DLGAP2: variants seen among roughly 807,000 people sequenced by gnomAD.
DLGAP2 encodes the protein disks large-associated protein 2.
In DLGAP2, 26 loss-of-function variants were observed where a neutral mutation model predicts 100.3. That is an observed-to-expected ratio of 0.26 (90% CI 0.19 to 0.36). The LOEUF (loss-of-function observed/expected upper bound fraction) is 0.36, where lower values mean the gene tolerates loss of function less well. Ranked by LOEUF, DLGAP2 falls within the 10% of genes least tolerant of loss-of-function variation. DLGAP2 has a pLI of 1.00. For missense variants in DLGAP2, 1,858 were observed against 1,453.2 expected (o/e 1.28, Z -4.53); for synonymous variants, 886 against 630.1 (o/e 1.41, Z -6.08).
chr8:929,912 C>G (rs899602303), intron 2 of DLGAP2, among the ~76,000 whole-genome samples: 2 of 151,702 alleles, frequency 1.3e-5, no homozygotes, highest in Non-Finnish European at 2.9e-5. Flanking sequence ...ATAGAAATTA[C>G]TTTGGTCTCT....
intron 8 of DLGAP2, among the ~76,000 whole-genome samples, chr8:1,655,197 A>T (rs736316): frequency 0.22 from 34,233 of 152,192 alleles, 4,557 homozygotes; most frequent in East Asian, 0.47. Context: ...TGCTTGTGGG[A>T]TGTGACTTCT....
At chr8:822,994 A>T (rs1387402244) in intron 1 of DLGAP2, among the ~76,000 whole-genome samples, 1 of 151,508 alleles carries the variant, frequency 6.6e-6, no homozygotes, top group African/African-American at 2.4e-5. Flanking sequence ...AAGGGAAGAG[A>T]GGATTATTTC....
intron 14 of DLGAP2, among the ~76,000 whole-genome samples, chr8:1,699,178 C>T (rs1170868288): frequency 6.6e-6 from 1 of 152,216 alleles, no homozygotes; most frequent in East Asian, 1.9e-4. Context: ...AAACGTGAGC[C>T]CATCTACCCA....
intron 3 of DLGAP2, among the ~76,000 whole-genome samples, chr8:1,266,394 A>G (rs1799451839): frequency 6.6e-6 from 1 of 152,226 alleles, no homozygotes; most frequent in Admixed American, 6.5e-5. Context: ...TGGAGCAGGA[A>G]GCAGCATCTC....
At chr8:1,129,316 T>A (rs1796237563) in intron 2 of DLGAP2, among the ~76,000 whole-genome samples, 1 of 151,460 alleles carries the variant, frequency 6.6e-6, no homozygotes, top group African/African-American at 2.4e-5. Flanking sequence ...GGCAGGGGAA[T>A]TGTTTGGACC....
intron 3 of DLGAP2, among the ~76,000 whole-genome samples, chr8:1,331,249 T>C (rs1455780843): frequency 6.6e-6 from 1 of 152,210 alleles, no homozygotes; most frequent in Admixed American, 6.5e-5. Context: ...GTGCCATAAC[T>C]AAGGCCGCAA....
At chr8:967,779 GTATATAT>G (rs1799909049) in intron 2 of DLGAP2, among the ~76,000 whole-genome samples, 1 of 17,864 alleles carries the variant, frequency 5.6e-5, no homozygotes, top group Non-Finnish European at 1.3e-4. Context: ...ATATATATAT[GTATATAT>G]ATATATATAC....
At chr8:1,061,590 A>C (rs1275465633) in intron 2 of DLGAP2, among the ~76,000 whole-genome samples, 1 of 151,728 alleles carries the variant, frequency 6.6e-6, no homozygotes, top group East Asian at 1.9e-4. Flanking sequence ...GAGTCTCGCT[A>C]CTCCCAAGAG....
chr8:1,631,207 G>A lies in DLGAP2; in HGVS notation c.1591-1620G>A, dbSNP rs143517392. On this transcript the variant is annotated intron_variant, in intron 7 of 14. Coordinates refer to ENST00000637795, the MANE Select transcript of DLGAP2 (RefSeq NM_001346810.2). ...TGAAAGGCTTGTAGCTGGAAGCATA[G>A]CCGAGGGTCCTTGCTGAGATGCCAG... 3.9e-5 allele frequency among the ~76,000 whole-genome samples: 6 copies of A among 152,156 alleles called. No individual in the cohort carries two copies. The East Asian group carries it at 1.2e-3, about 30-fold the overall frequency.
chr8:1,137,313 A>G (rs1796436845), intron 2 of DLGAP2: 1 of 152,676 alleles, frequency 6.5e-6, no homozygotes, highest in Non-Finnish European at 1.5e-5. Context: ...TCTCCAAACT[A>G]TAGTCCTATT....
rs1309261843 is a variant in DLGAP2 at position 1,501,393 on chromosome 8, C to T, written c.134C>T (p.Pro45Leu). Residue 45 changes from proline to leucine, a missense_variant, in exon 4 of 15, where the codon CCG (proline) becomes CTG (leucine). By Grantham distance (98) the Pro-to-Leu change is moderately conservative (BLOSUM62 -3). Transcript: ENST00000637795. Reference sequence around the variant, plus strand: ...GAAGAAGCTGGAGACTTGGTCCAGCCGGGCATCAGCTTTCCGGGGCCGGCA... The same window carrying T: ...GAAGAAGCTGGAGACTTGGTCCAGCTGGGCATCAGCTTTCCGGGGCCGGCA... Reference protein sequence around the residue: ...EEEEAGDLVQPGISFPGPAEE... With the variant: ...EEEEAGDLVQLGISFPGPAEE... 2.4e-5 allele frequency: 37 copies of T among 1,535,706 alleles called. No homozygotes were observed. Among genetic ancestry groups the T allele is most frequent in the Non-Finnish European group, 3.1e-5 (36 of 1,146,720 alleles).
At chr8:1,595,427 G>A (rs1443943096) in intron 6 of DLGAP2, among the ~76,000 whole-genome samples, 1 of 151,854 alleles carries the variant, frequency 6.6e-6, no homozygotes, top group Admixed American at 6.6e-5. Flanking sequence ...ACTTTGGGAG[G>A]CCGAGGCGGG....
chr8:946,545 G>A (rs571503640), intron 2 of DLGAP2, among the ~76,000 whole-genome samples: 4 of 152,192 alleles, frequency 2.6e-5, no homozygotes, highest in East Asian at 1.9e-4. Context: ...TTACAGGCGT[G>A]AGCCACCGCG....
At chr8:1,253,221 A>G (rs965497472) in intron 2 of DLGAP2, among the ~76,000 whole-genome samples, 2 of 152,208 alleles carry the variant, frequency 1.3e-5, no homozygotes, top group South Asian at 4.1e-4. Flanking sequence ...AGCTCCAGCC[A>G]AGGCCCCGGG....
At chr8:1,146,032 G>A (rs1364473193) in intron 2 of DLGAP2, among the ~76,000 whole-genome samples, 2 of 152,048 alleles carry the variant, frequency 1.3e-5, no homozygotes, top group African/African-American at 4.8e-5. Context: ...GCCCCAGGAT[G>A]CCGGGTGGCA....
intron 8 of DLGAP2, among the ~76,000 whole-genome samples, chr8:1,641,102 T>G (rs1239489386): frequency 1.3e-5 from 2 of 152,144 alleles, no homozygotes; most frequent in Admixed American, 6.5e-5. Context: ...GCCCCTGGTC[T>G]GTGCTGTAGA....
intron 3 of DLGAP2, among the ~76,000 whole-genome samples, chr8:1,316,069 G>A (rs1367874322): frequency 7.4e-6 from 1 of 135,962 alleles, no homozygotes; most frequent in African/African-American, 2.6e-5. Context: ...GTGTGTGAGT[G>A]CAGCGTCTCT....
chr8:1,174,811 A>G (rs892879408), intron 2 of DLGAP2, among the ~76,000 whole-genome samples: 1 of 152,172 alleles, frequency 6.6e-6, no homozygotes, highest in African/African-American at 2.4e-5. Flanking sequence ...CTCCATCATT[A>G]CCATCATCTA....
chr8:742,527 G>C (rs1349532442), intron 1 of DLGAP2, among the ~76,000 whole-genome samples: 1 of 152,196 alleles, frequency 6.6e-6, no homozygotes, highest in South Asian at 2.1e-4. Context: ...TGGCTTTTTA[G>C]AGACAGGGTC....
Sources: gnomAD v4.1 joint callset for allele counts (sites outside exome capture counted in the v4.1 genomes callset) on GRCh38, gnomAD v4.1.1 for gene constraint, MANE v1.5 for transcripts, NCBI Gene and HGNC (gene_info 2026-07-23, HGNC 2026-07-21) for gene names.